Variants in UPK1B observed in about 807,000 individuals in gnomAD.
UPK1B encodes uroplakin 1B.
In UPK1B, 28 loss-of-function variants were observed where a neutral mutation model predicts 34.2. The observed-to-expected ratio is 0.82, with a 90% CI of 0.61 to 1.12. The LOEUF (loss-of-function observed/expected upper bound fraction) is 1.12. Ranked by LOEUF, UPK1B falls within the 50% of genes most tolerant of loss-of-function variation. UPK1B has a pLI of 0.00. For missense variants in UPK1B, 325 were observed against 320.9 expected, an observed-to-expected ratio of 1.01 and a Z score of -0.10; for synonymous variants, 81 against 110.4, an observed-to-expected ratio of 0.73 and a Z score of 1.67.
chr3:119,196,473 C>G (rs936128905), intron 6 of UPK1B, among the ~76,000 whole-genome samples: 1 of 151,696 alleles, frequency 6.6e-6, no homozygotes, highest in African/African-American at 2.4e-5. Context: ...TGGCACAAAG[C>G]AAGCACCGAC....
chr3:119,179,507 C>CTTTTTTTT (rs71297415), intron 1 of UPK1B, among the ~76,000 whole-genome samples: 3,629 of 52,154 alleles, frequency 0.07, 1,314 homozygotes, highest in East Asian at 0.17. Flanking sequence ...ATGTTGCAGT[C>CTTTTTTTT]TTTTTTTTTT....
At chr3:119,189,994 A>C (rs1412063657) in intron 3 of UPK1B, among the ~76,000 whole-genome samples, 2 of 152,224 alleles carry the variant, frequency 1.3e-5, no homozygotes, top group Non-Finnish European at 2.9e-5. Flanking sequence ...CCCAGTTAAA[A>C]TAGAAACTCA....
rs1412509925 is a variant in UPK1B at position 119,194,263 on chromosome 3, C to A, written c.513C>A (p.Tyr171Ter). 2 of 1,614,028 alleles carry A rather than the reference C, an allele frequency of 1.2e-6. No individual in the cohort carries two copies. The highest frequency in any genetic ancestry group is 1.7e-6 in the Non-Finnish European group (2 of 1,179,924). Residue 171 changes from tyrosine to a stop codon, truncating the protein, a stop_gained, in exon 6 of 8, where the codon TAC (tyrosine) becomes TAA (stop). Transcript: ENST00000264234. LOFTEE classifies it high-confidence loss of function. ...ATGGTCCATCAGACTGGCAAAAATA[C>A]ACATCTGCCTTCCGGACTGAGAATA... ...GVNGPSDWQK[Y>*]TSAFRTENND...
intron 1 of UPK1B, among the ~76,000 whole-genome samples, chr3:119,184,760 G>A (rs1220835756): frequency 1.3e-5 from 2 of 152,044 alleles, no homozygotes; most frequent in Admixed American, 6.6e-5. Context: ...TAAACTTCTT[G>A]AAAGAAGAAA....
At chr3:119,179,507 C>CTTTTTTTTTTTTTTTTTTTTTTTT (rs71297415) in intron 1 of UPK1B, among the ~76,000 whole-genome samples, 1 of 52,256 alleles carries the variant, frequency 1.9e-5, no homozygotes, top group African/African-American at 7.0e-5. Flanking sequence ...ATGTTGCAGT[C>CTTTTTTTTTTTTTTTTTTTTTTTT]TTTTTTTTTT....
chr3:119,191,163 T>C, intron 5 of UPK1B, 59 bp downstream of exon 5: 4 of 1,582,784 alleles, frequency 2.5e-6, no homozygotes, highest in South Asian at 1.1e-5. Context: ...GTGGGTGTCA[T>C]ACACATGACT....
chr3:119,181,836 A>G (rs2077990778), intron 1 of UPK1B, among the ~76,000 whole-genome samples: 1 of 152,246 alleles, frequency 6.6e-6, no homozygotes. Flanking sequence ...CTCTTGCAAT[A>G]AAGTGCAGGA....
At chr3:119,191,184 C>A in intron 5 of UPK1B, 80 bp downstream of exon 5, 1 of 1,471,422 alleles carries the variant, frequency 6.8e-7, no homozygotes, top group East Asian at 2.3e-5. Context: ...CAGTGGGACC[C>A]TATATTTTAT....
chr3:119,177,941 G>A (rs952050491), intron 1 of UPK1B, among the ~76,000 whole-genome samples: 1 of 152,168 alleles, frequency 6.6e-6, no homozygotes, highest in Non-Finnish European at 1.5e-5. Context: ...GATAATTCTG[G>A]GTAAGAGAAG....
Position 119,204,134 on chromosome 3 carries a change from C to T in UPK1B, c.*167C>T. ...TTTAGGATCTCAGGCTTCTGCAGTT[C>T]TCATGACTCCTACTTTTCATCCTAG... On this transcript the variant is annotated 3_prime_UTR_variant, in exon 8 of 8. Transcript: ENST00000264234. 1.5e-6 allele frequency: 1 copy of T among 653,248 alleles called. No individual in the cohort carries two copies. Among genetic ancestry groups the T allele is most frequent in the Non-Finnish European group, 2.6e-6 (1 of 383,448 alleles). The allele number at this position is 653,248 out of a possible 1,614,324, so 40.5% of individuals were successfully genotyped here. A position where few individuals can be genotyped will look rare whatever the true frequency, so the allele number is the denominator to read the frequency against.
chr3:119,193,610 A>C (rs2078053044), intron 5 of UPK1B, among the ~76,000 whole-genome samples: 1 of 152,196 alleles, frequency 6.6e-6, no homozygotes, highest in Non-Finnish European at 1.5e-5. Flanking sequence ...TTATAAAAAT[A>C]ATACCTAATT....
chr3:119,202,671 C>T (rs548439152), intron 7 of UPK1B, among the ~76,000 whole-genome samples: 1 of 152,178 alleles, frequency 6.6e-6, no homozygotes, highest in African/African-American at 2.4e-5. Context: ...AAAACTCAGC[C>T]CTTGCCTAAG....
chr3:119,199,099 T>G lies in UPK1B; in HGVS notation c.691T>G (p.Trp231Gly). Reference protein sequence around the residue: ...LISGPMNRHAWGVAWFGFAIL... With the variant: ...LISGPMNRHAGGVAWFGFAIL... ...CTCTGGTCCAATGAACCGACACGCC[T>G]GGGGGGTTGCCTGGTTTGGATTTGC... Residue 231 changes from tryptophan to glycine, a missense_variant, in exon 7 of 8, where the codon TGG becomes GGG. Physicochemically the swap from Trp to Gly is radical, Grantham distance 184. Transcript: ENST00000264234. 1 of 1,614,148 alleles carries G rather than the reference T, an allele frequency of 6.2e-7. No homozygotes were observed. The highest frequency in any genetic ancestry group is 8.5e-7 in the Non-Finnish European group (1 of 1,180,014).
intron 1 of UPK1B, among the ~76,000 whole-genome samples, chr3:119,174,625 A>G (rs548377484): frequency 6.6e-5 from 10 of 152,306 alleles, no homozygotes; most frequent in African/African-American, 2.4e-4. Context: ...GTTAACTTGA[A>G]TGTCTTCTTT....
intron 7 of UPK1B, among the ~76,000 whole-genome samples, chr3:119,201,778 A>G (rs1422809766): frequency 2.0e-5 from 3 of 152,184 alleles, no homozygotes; most frequent in African/African-American, 7.2e-5. Context: ...GCACACCTCT[A>G]TGATGGAACT....
chr3:119,187,985 C>G lies in UPK1B; in HGVS notation c.270+10C>G. On this transcript the variant is annotated intron_variant, in intron 3 of 7. Coordinates refer to ENST00000264234, the MANE Select transcript of UPK1B (RefSeq NM_006952.4). ...GAAAATTCTTCTGGCGGTAAGACCT[C>G]AAAATTCTCTGGAGTTGTCTCCCTG... 6.2e-7 allele frequency: 1 copy of G among 1,614,014 alleles called. No individual in the cohort carries two copies. Among genetic ancestry groups the G allele is most frequent in the Non-Finnish European group, 8.5e-7 (1 of 1,179,892 alleles).
chr3:119,187,644 C>A (rs910572741), intron 2 of UPK1B, 131 bp from the exon 3 acceptor site: 3 of 902,124 alleles, frequency 3.3e-6, no homozygotes, highest in South Asian at 3.0e-5. Flanking sequence ...GATTTCCTGG[C>A]AATGGGGAGT....
At chr3:119,183,771 C>T (rs190470939) in intron 1 of UPK1B, among the ~76,000 whole-genome samples, 1 of 152,192 alleles carries the variant, frequency 6.6e-6, no homozygotes, top group Non-Finnish European at 1.5e-5. Context: ...ACCCATCTCT[C>T]AGGTCTGTTG....
chr3:119,189,577 C>T (rs187277428), intron 3 of UPK1B, among the ~76,000 whole-genome samples: 1 of 152,392 alleles, frequency 6.6e-6, no homozygotes, highest in Admixed American at 6.5e-5. Context: ...ACACACACCA[C>T]CACTACCACA....
Sources: allele counts gnomAD v4.1 joint callset (sites outside exome capture counted in the v4.1 genomes callset), GRCh38; gene constraint gnomAD v4.1.1; transcripts MANE v1.5; gene names NCBI Gene and HGNC (gene_info 2026-07-23, HGNC 2026-07-21).